CDH4: variants seen among roughly 807,000 people sequenced by gnomAD.
CDH4 encodes cadherin-4.
CDH4 carries 33 observed loss-of-function variants against 86.0 expected under a neutral mutation model. The observed-to-expected ratio is 0.38, with a 90% confidence interval of 0.29 to 0.51. CDH4 has a LOEUF of 0.51. Among genes scored for constraint, CDH4 ranks in the 20% least tolerant of loss-of-function variants. The pLI is 0.86. For synonymous variants in CDH4, 555 were observed against 549.4 expected (o/e 1.01, Z -0.14); for missense variants, 1,114 against 1,307.4 (o/e 0.85, Z 2.28).
At chr20:61,507,519 C>T (rs1373820587) in intron 2 of CDH4, among the ~76,000 whole-genome samples, 1 of 152,120 alleles carries the variant, frequency 6.6e-6, no homozygotes, top group Non-Finnish European at 1.5e-5. Context: ...ACCCACAGTA[C>T]AGGTGGAGTT....
Position 61,896,453 on chromosome 20 carries a change from T to G in CDH4, c.1188+1406T>G, listed in dbSNP as rs567398794. 2.6e-3 allele frequency among the ~76,000 whole-genome samples: 390 copies of G among 152,256 alleles called. 1 individual carries two copies. Among genetic ancestry groups the G allele is most frequent in the Non-Finnish European group, 3.4e-3 (231 of 68,004 alleles). On this transcript the variant is annotated intron_variant, in intron 8 of 15. Transcript: ENST00000614565. The stretch of plus-strand genomic sequence containing the variant: ...GTGGCTGTGAGCACACAACGCCATC[T>G]GGTGGGAAGATGGCAGATCACAGCG...
chr20:61,592,615 C>T (rs1161637627), intron 2 of CDH4, among the ~76,000 whole-genome samples: 3 of 152,188 alleles, frequency 2.0e-5, no homozygotes, highest in Admixed American at 2.0e-4. Flanking sequence ...TAAGCAGTCA[C>T]TCCCCTTTCC....
rs185108556 is a variant in CDH4, at chr20:61,878,094, G to A, written c.1050+4194G>A. The stretch of plus-strand genomic sequence containing the variant: ...TGCGTGAGTGGCCAGGAGCTGAGCT[G>A]TAGGCCTGGGGCAGCTGGGGCAAAG... On this transcript the variant is annotated intron_variant, in intron 7 of 15. Coordinates refer to ENST00000614565, the MANE Select transcript of CDH4 (RefSeq NM_001794.5). 2.1e-3 allele frequency among the ~76,000 whole-genome samples: 314 copies of A among 152,260 alleles called. 1 individual carries two copies. Among genetic ancestry groups the A allele is most frequent in the Non-Finnish European group, 3.4e-3 (230 of 68,034 alleles).
At chr20:61,461,321 A>G (rs945880681) in intron 2 of CDH4, among the ~76,000 whole-genome samples, 1 of 152,188 alleles carries the variant, frequency 6.6e-6, no homozygotes, top group Non-Finnish European at 1.5e-5. Context: ...AGCTTCGCAG[A>G]CACTGTCTCT....
intron 2 of CDH4, among the ~76,000 whole-genome samples, chr20:61,605,498 C>T (rs573461855): frequency 1.3e-5 from 2 of 150,740 alleles, no homozygotes; most frequent in Non-Finnish European, 3.0e-5. Flanking sequence ...TCTCTCCCCC[C>T]ATGTCTCTCC....
chr20:61,337,599 G>A (rs1483217413), intron 2 of CDH4, among the ~76,000 whole-genome samples: 1 of 152,094 alleles, frequency 6.6e-6, no homozygotes, highest in African/African-American at 2.4e-5. Flanking sequence ...GGTTTCTTCA[G>A]TATTTCCTTA....
chr20:61,588,723 C>G (rs1005361312), intron 2 of CDH4, among the ~76,000 whole-genome samples: 1 of 152,212 alleles, frequency 6.6e-6, no homozygotes, highest in Non-Finnish European at 1.5e-5. Context: ...GCAAACACCA[C>G]CAGCCCAAGG....
intron 2 of CDH4, among the ~76,000 whole-genome samples, chr20:61,564,077 G>A (rs1444522884): frequency 6.6e-6 from 1 of 152,138 alleles, no homozygotes; most frequent in Non-Finnish European, 1.5e-5. Context: ...TGTGAGGACA[G>A]CGTTTGTGTT....
At chr20:61,475,844 CA>C (rs1471525210) in intron 2 of CDH4, among the ~76,000 whole-genome samples, 1 of 151,420 alleles carries the variant, frequency 6.6e-6, no homozygotes, top group Non-Finnish European at 1.5e-5. Flanking sequence ...GAGATAAATT[CA>C]GTGTGTTTTT....
At chr20:61,877,854 G>A (rs985598762) in intron 7 of CDH4, among the ~76,000 whole-genome samples, 7 of 152,166 alleles carry the variant, frequency 4.6e-5, no homozygotes, top group African/African-American at 1.7e-4. Context: ...GGACTTTGGG[G>A]CCATGACCCC....
chr20:61,920,074 G>GAAGCATGTCGTGATTGTGTGGAAGTGTGA (rs1568887725), intron 9 of CDH4, among the ~76,000 whole-genome samples: 4 of 123,286 alleles, frequency 3.2e-5, no homozygotes, highest in Non-Finnish European at 3.5e-5. Flanking sequence ...TGGAAGCGTG[G>GAAGCATGTCGTGATTGTGTGGAAGTGTGA]TGTCACGGTG....
At chr20:61,326,693 G>C (rs374947168) in intron 2 of CDH4, among the ~76,000 whole-genome samples, 1 of 152,124 alleles carries the variant, frequency 6.6e-6, no homozygotes, top group African/African-American at 2.4e-5. Context: ...ACTGAGTGTC[G>C]GGTGGTGAAA....
At chr20:61,604,238 G>T (rs1472781047) in intron 2 of CDH4, among the ~76,000 whole-genome samples, 1 of 152,256 alleles carries the variant, frequency 6.6e-6, no homozygotes, top group African/African-American at 2.4e-5. Context: ...TGTCTCCGGA[G>T]TAACAGGCCC....
rs374721646 is a variant in CDH4 at position 61,681,751 on chromosome 20, G to A, written c.170-61812G>A. On this transcript the variant is annotated intron_variant, in intron 2 of 15. Coordinates refer to ENST00000614565, the MANE Select transcript of CDH4 (RefSeq NM_001794.5). This position sits in a 1 kb window ranked among gnomAD's most constrained non-coding sequence, Gnocchi z 4.5. The stretch of plus-strand genomic sequence containing the variant: ...GAGCTGCCACCCTAGAAAGCCCTGC[G>A]TCGGTGTTGCTGTGTTCTCAGGCCC... Among the ~76,000 whole-genome samples, 11 of 152,320 alleles carry A rather than the reference G, an allele frequency of 7.2e-5. No homozygotes were observed. The highest frequency in any genetic ancestry group is 3.9e-4 in the East Asian group (2 of 5,186).
intron 2 of CDH4, among the ~76,000 whole-genome samples, chr20:61,461,188 A>G (rs1430187495): frequency 6.6e-6 from 1 of 151,798 alleles, no homozygotes; most frequent in Non-Finnish European, 1.5e-5. Flanking sequence ...CTAGGAAGCC[A>G]TTTTTTTTTA....
At chr20:61,863,501 C>T (rs917771688) in intron 6 of CDH4, among the ~76,000 whole-genome samples, 2 of 152,228 alleles carry the variant, frequency 1.3e-5, no homozygotes, top group Admixed American at 1.3e-4. Context: ...GCAGAGGGCA[C>T]AGGTGAGGGA....
chr20:61,278,016 G>A lies in CDH4; in HGVS notation c.169+23079G>A, dbSNP rs548167970. ...GCCTGCGTTATGGCCCAGGTGAAAA[G>A]CACGTCTGTTGCCATTTGATAAACT... On this transcript the variant is annotated intron_variant, in intron 2 of 15. Coordinates refer to ENST00000614565, the MANE Select transcript of CDH4 (RefSeq NM_001794.5). Among the ~76,000 whole-genome samples the A allele has an allele frequency of 2.6e-5, 4 of 152,342 alleles. No individual in the cohort carries two copies. In the South Asian group the frequency reaches 8.3e-4, roughly 32 times the overall value.
At chr20:61,415,484 A>G (rs1321547771) in intron 2 of CDH4, among the ~76,000 whole-genome samples, 2 of 152,104 alleles carry the variant, frequency 1.3e-5, no homozygotes, top group Non-Finnish European at 2.9e-5. Context: ...CAGAATTTTT[A>G]TATCTCTCCA....
chr20:61,711,248 T>C (rs1455796230), intron 2 of CDH4, among the ~76,000 whole-genome samples: 1 of 152,220 alleles, frequency 6.6e-6, no homozygotes, highest in African/African-American at 2.4e-5. Context: ...ATGTGTTTGC[T>C]TCCCCTTCGC....
Sources: gnomAD v4.1 joint callset for allele counts (sites outside exome capture counted in the v4.1 genomes callset) on GRCh38, gnomAD v4.1.1 for gene constraint, Gnocchi (gnomAD v3.1) non-coding constraint, MANE v1.5 for transcripts, NCBI Gene and HGNC (gene_info 2026-07-23, HGNC 2026-07-21) for gene names.